COL4A3: variants seen among roughly 807,000 people sequenced by gnomAD.
COL4A3 encodes collagen alpha-3(IV) chain.
In COL4A3, 135 loss-of-function variants were observed where a neutral mutation model predicts 217.4. The ratio of observed to expected loss-of-function variants is 0.62; its 90% CI spans 0.54 to 0.72. The LOEUF (loss-of-function observed/expected upper bound fraction) is 0.72, where lower values mean the gene tolerates loss of function less well. COL4A3 is among the 30% of genes least tolerant of loss of function. COL4A3 has a pLI of 0.00. For missense variants in COL4A3, 1,868 were observed against 2,119.9 expected, an observed-to-expected ratio of 0.88 and a Z score of 2.33; for synonymous variants, 690 against 736.3, an observed-to-expected ratio of 0.94 and a Z score of 1.02.
At chr2:227,298,340 A>C (rs1397214425) in intron 42 of COL4A3, among the ~76,000 whole-genome samples, 1 of 150,558 alleles carries the variant, frequency 6.6e-6, no homozygotes, top group Non-Finnish European at 1.5e-5. Context: ...CAACAGAACA[A>C]AACTGTATCA....
chr2:227,277,867 G>T (rs2071680987), intron 28 of COL4A3, among the ~76,000 whole-genome samples: 1 of 152,034 alleles, frequency 6.6e-6, no homozygotes, highest in Admixed American at 6.6e-5. Context: ...GGGTGTGGTG[G>T]CATGTGGCTG....
At position 227,166,096 on chromosome 2, in the gene COL4A3, T is replaced by C. The variant is rs538376683; in HGVS notation, c.87+1283T>C. Among the ~76,000 whole-genome samples the C allele has an allele frequency of 4.6e-5, 7 of 152,364 alleles. No individual in the cohort carries two copies. The South Asian group carries it at 1.4e-3, about 32-fold the overall frequency. The stretch of plus-strand genomic sequence containing the variant: ...GTATTTAAGATCCTCCTGTTTTTCT[T>C]TTTGCTTTGTTGCACAGTATTTCAC... On this transcript the variant is annotated intron_variant, in intron 1 of 51. Transcript: ENST00000396578.
At chr2:227,288,132 G>C (rs1447525450) in intron 34 of COL4A3, among the ~76,000 whole-genome samples, 2 of 152,194 alleles carry the variant, frequency 1.3e-5, no homozygotes, top group Non-Finnish European at 2.9e-5. Flanking sequence ...GTCTCGCTCT[G>C]TCACCCCGGC....
intron 1 of COL4A3, among the ~76,000 whole-genome samples, chr2:227,220,281 C>G (rs940528960): frequency 3.4e-5 from 5 of 146,454 alleles, no homozygotes; most frequent in African/African-American, 5.1e-5. Flanking sequence ...CTCCCAGGTT[C>G]ACGTGATTAT....
chr2:227,298,881 T>G (rs1274213040), intron 43 of COL4A3, 69 bp downstream of exon 43: 3 of 1,351,132 alleles, frequency 2.2e-6, no homozygotes, highest in Non-Finnish European at 3.1e-6. Context: ...TTATATTGTA[T>G]ATTATATCAT....
chr2:227,271,011 A>G lies in COL4A3; in HGVS notation c.1758+59A>G, dbSNP rs2071202458. 3.2e-6 allele frequency: 5 copies of G among 1,569,772 alleles called. No individual in the cohort carries two copies. In the East Asian group the frequency reaches 1.1e-4, roughly 35 times the overall value. Reference sequence around the variant, plus strand: ...TGAAGTACTCTGAAGTTAAGAGATAAAGTGATTTCTTTTCCAAAAATGGTT... The same window carrying G: ...TGAAGTACTCTGAAGTTAAGAGATAGAGTGATTTCTTTTCCAAAAATGGTT... On this transcript the variant is annotated intron_variant, in intron 25 of 51. Transcript: ENST00000396578.
Position 227,284,259 on chromosome 2 carries a change from C to T in COL4A3, c.2795C>T (p.Ala932Val). Residue 932 changes from alanine (A) to valine (V), a missense_variant, in exon 34 of 52, where the codon GCC (alanine) becomes GTC (valine). Around this residue, in one of 2 missense-constraint regions of COL4A3, gnomAD observed 1,503 missense variants for 1,786.1 expected, o/e 0.84. Transcript: ENST00000396578. The stretch of plus-strand genomic sequence containing the variant: ...AAGGGCCAGAGAGGAACCCCAGGAG[C>T]CAAGGGGGAACAAGGAGATAAAGGA... Reference protein sequence around the residue: ...GVKGQRGTPGAKGEQGDKGNP... With the variant: ...GVKGQRGTPGVKGEQGDKGNP... 1 of 1,613,938 alleles carries T rather than the reference C, an allele frequency of 6.2e-7. No homozygotes were observed. The highest frequency in any genetic ancestry group is 1.1e-5 in the South Asian group (1 of 91,074).
intron 19 of COL4A3, 35 bp downstream of exon 19, chr2:227,259,912 A>C: frequency 6.7e-7 from 1 of 1,481,976 alleles, no homozygotes; most frequent in Middle Eastern, 1.7e-4. Context: ...CATTTGCTGA[A>C]CATATTTCTG....
intron 1 of COL4A3, among the ~76,000 whole-genome samples, chr2:227,178,531 A>ATT: frequency 6.6e-6 from 1 of 152,020 alleles, no homozygotes; most frequent in Admixed American, 6.5e-5. Context: ...AGGTAATGTC[A>ATT]TTATTTTATT....
rs1553751598 is a variant in COL4A3, at chr2:227,249,212, G to GTATATATA, written c.546+704_546+711dup. Among the ~76,000 whole-genome samples the GTATATATA allele has an allele frequency of 6.8e-3, 226 of 33,196 alleles. 44 individuals are homozygous for GTATATATA. The highest frequency in any genetic ancestry group is 0.031 in the East Asian group (20 of 636). The allele number at this position is 33,196 out of a possible 152,430, so 21.8% of individuals were successfully genotyped here. A position where few individuals can be genotyped will look rare whatever the true frequency, so the allele number is the denominator to read the frequency against. On this transcript the variant is annotated intron_variant, in intron 9 of 51. Coordinates refer to ENST00000396578, the MANE Select transcript of COL4A3 (RefSeq NM_000091.5). ...AATTATATATAACCAAAATTAGCTA[G>GTATATATA]TATATATATATATATATATTTTTTT...
chr2:227,298,523 TCTC>T (rs2073134366), intron 42 of COL4A3, among the ~76,000 whole-genome samples, 156 bp from the exon 43 acceptor site: 1 of 152,122 alleles, frequency 6.6e-6, no homozygotes. Context: ...GGCATCATCT[TCTC>T]CTGTCTTTAC....
Position 227,249,230 on chromosome 2 carries a change from A to ATATTTTTTTTTTTT in COL4A3, c.546+711_546+712insATTTTTTTTTTTTT. Among the ~76,000 whole-genome samples the ATATTTTTTTTTTTT allele has an allele frequency of 4.1e-4, 6 of 14,692 alleles. 1 individual carries two copies. The highest frequency in any genetic ancestry group is 1.3e-3 in the African/African-American group (5 of 3,764). 9.6% of individuals were successfully genotyped at this position (14,692 alleles called of 152,430 possible). On this transcript the variant is annotated intron_variant, in intron 9 of 51. Coordinates refer to ENST00000396578, the MANE Select transcript of COL4A3 (RefSeq NM_000091.5). ...TTAGCTAGTATATATATATATATAT[A>ATATTTTTTTTTTTT]TTTTTTTTTTTTTTTTTTTTTTTGA...
intron 1 of COL4A3, among the ~76,000 whole-genome samples, chr2:227,229,895 C>CA (rs1443283445): frequency 1.3e-5 from 2 of 150,516 alleles, no homozygotes; most frequent in African/African-American, 4.9e-5. Flanking sequence ...AAAAAAAATA[C>CA]AAAAAATTAG....
rs1574817909 is a variant in COL4A3, at chr2:227,295,010, T to C, written c.3465T>C (p.Gly1155=). Reference sequence around the variant, plus strand: ...CTCCTGGACCAATGGGTATAAGAGGTGACCAAGGACGTGATGGAATTCCTG... The same window carrying C: ...CTCCTGGACCAATGGGTATAAGAGGCGACCAAGGACGTGATGGAATTCCTG... The part of the protein sequence containing the change: ...PGSPGPMGIR[G]DQGRDGIPGP... Residue 1155 remains glycine (G), a synonymous_variant, in exon 40 of 52, where the codon GGT becomes GGC. Transcript: ENST00000396578. 6.2e-7 allele frequency: 1 copy of C among 1,612,616 alleles called. No individual in the cohort carries two copies. The highest frequency in any genetic ancestry group is 8.5e-7 in the Non-Finnish European group (1 of 1,179,720).
intron 32 of COL4A3, among the ~76,000 whole-genome samples, chr2:227,283,119 C>T (rs140924527): frequency 6.6e-6 from 1 of 152,146 alleles, no homozygotes; most frequent in African/African-American, 2.4e-5. Context: ...GAAACTTGTC[C>T]ATTTTTATAA....
At chr2:227,303,313 CCTT>C (rs1559918595) in intron 44 of COL4A3, among the ~76,000 whole-genome samples, 1 of 152,060 alleles carries the variant, frequency 6.6e-6, no homozygotes, top group East Asian at 1.9e-4. Context: ...CTCTCGGTAA[CCTT>C]CTTTTATTTG....
intron 34 of COL4A3, among the ~76,000 whole-genome samples, chr2:227,287,171 C>T (rs1234797242): frequency 1.3e-5 from 2 of 152,206 alleles, no homozygotes; most frequent in African/African-American, 2.4e-5. Context: ...TGGTGGCTCA[C>T]GCCTGTAATC....
chr2:227,221,977 C>T (rs1197845277), intron 1 of COL4A3, among the ~76,000 whole-genome samples: 1 of 144,390 alleles, frequency 6.9e-6, no homozygotes, highest in Non-Finnish European at 1.5e-5. Context: ...AACTCAGCAT[C>T]CTTGTGTTTA....
intron 20 of COL4A3, 32 bp downstream of exon 20, chr2:227,261,149 A>G: frequency 6.3e-7 from 1 of 1,582,704 alleles, no homozygotes; most frequent in Non-Finnish European, 8.7e-7. Context: ...TACAAATAGA[A>G]ATGCTATTAC....
Sources: gnomAD v4.1 joint callset for allele counts (sites outside exome capture counted in the v4.1 genomes callset) on GRCh38, gnomAD v4.1.1 for gene constraint, gnomAD v4.1.1 regional missense constraint, MANE v1.5 for transcripts, NCBI Gene and HGNC (gene_info 2026-07-23, HGNC 2026-07-21) for gene names.